Variants in ASIP observed in about 807,000 individuals in gnomAD.
ASIP encodes agouti-signaling protein.
In ASIP, 11 loss-of-function variants were observed where a neutral mutation model predicts 10.3. That is an observed-to-expected ratio of 1.07 (90% CI 0.68 to 1.78). The LOEUF is 1.78. Among genes scored for constraint, ASIP ranks in the 40% most tolerant of loss-of-function variants. ASIP has a pLI of 0.00. For missense variants in ASIP, 180 were observed against 169.2 expected, an observed-to-expected ratio of 1.06 and a Z score of -0.35; for synonymous variants, 70 against 70.8, an observed-to-expected ratio of 0.99 and a Z score of 0.06.
chr20:34,193,798 C>G (rs2034838339), upstream of ASIP, among the ~76,000 whole-genome samples: 1 of 152,146 alleles, frequency 6.6e-6, no homozygotes, highest in African/African-American at 2.4e-5. Context: ...CAACAAATAG[C>G]CAAATGTGCA....
In ASIP at chr20:34,269,152, C is replaced by G; in HGVS notation, c.384C>G (p.Leu128=). The stretch of plus-strand genomic sequence containing the variant: ...GCAGCGCCTGCTCCTGCCGCGTGCT[C>G]AGCCTCAACTGCTGAGCGCCCCCAC... The part of the protein sequence containing the change: ...FFRSACSCRV[L]SLNC Residue 128 remains leucine (L), a synonymous_variant, in exon 4 of 4, where the codon CTC becomes CTG. Coordinates refer to ENST00000374954, the MANE Select transcript of ASIP (RefSeq NM_001672.3). 1 of 1,543,682 alleles carries G rather than the reference C, an allele frequency of 6.5e-7. No individual in the cohort carries two copies. Among genetic ancestry groups the G allele is most frequent in the Non-Finnish European group, 8.7e-7 (1 of 1,143,924 alleles).
rs2035842567 is a variant in ASIP at position 34,269,093 on chromosome 20, G to A, written c.325G>A (p.Asp109Asn). 1 of 1,572,594 alleles carries A rather than the reference G, an allele frequency of 6.4e-7. No homozygotes were observed. The highest frequency in any genetic ancestry group is 8.6e-7 in the Non-Finnish European group (1 of 1,159,984). ...CAAGCCGCCGGCACCCGCCTGCTGC[G>A]ACCCGTGCGCCTCCTGCCAGTGCCG... Reference protein sequence around the residue: ...SCKPPAPACCDPCASCQCRFF... With the variant: ...SCKPPAPACCNPCASCQCRFF... The change falls in exon 4 of 4, where the codon GAC becomes AAC. Residue 109 changes from aspartate to asparagine, a missense_variant. Physicochemically the swap from Asp to Asn is conservative, Grantham distance 23. Coordinates refer to ENST00000374954, the MANE Select transcript of ASIP (RefSeq NM_001672.3).
chr20:34,250,468 G>A (rs760777062), intron 1 of ASIP, among the ~76,000 whole-genome samples: 1 of 152,182 alleles, frequency 6.6e-6, no homozygotes, highest in Non-Finnish European at 1.5e-5. Flanking sequence ...AGGAGTTTCA[G>A]GCCAGCCTGG....
rs2035055611 is a variant in ASIP, at chr20:34,222,625, ACTCCCTCTCCCTCTCCCTCTCCGT to A, written c.-11+27883_-11+27906del. ...CTAAGGTAATGGTAATGCAAAAGTT[ACTCCCTCTCCCTCTCCCTCTCCGT>A]CTCCCTCTCCCTCTCCCCACGGTCT... On this transcript the variant is annotated intron_variant, in intron 1 of 3. Transcript: ENST00000568305. 2.0e-5 allele frequency among the ~76,000 whole-genome samples: 3 copies of A among 151,476 alleles called. No homozygotes were observed. The South Asian group carries it at 6.3e-4, about 32-fold the overall frequency.
At chr20:34,224,215 T>TA (rs1399755548) in intron 1 of ASIP, among the ~76,000 whole-genome samples, 2 of 147,748 alleles carry the variant, frequency 1.4e-5, no homozygotes, top group Admixed American at 6.8e-5. Context: ...GAATTATCAA[T>TA]AAAAAAATAA....
chr20:34,203,987 G>A (rs533551282), intron 1 of ASIP, among the ~76,000 whole-genome samples: 1 of 152,256 alleles, frequency 6.6e-6, no homozygotes, highest in East Asian at 1.9e-4. Flanking sequence ...TGGCCTCAAA[G>A]TTCTGGGATT....
rs553698854 is a variant in ASIP at position 34,245,203 on chromosome 20, A to G, written c.-11+3714A>G. Among the ~76,000 whole-genome samples, 478 of 150,950 alleles carry G rather than the reference A, an allele frequency of 3.2e-3. 2 individuals carry two copies. The highest frequency in any genetic ancestry group is 5.0e-3 in the Admixed American group (76 of 15,148). On this transcript the variant is annotated intron_variant, in intron 1 of 3. Transcript: ENST00000374954. ...ACAAAAATTAGCTGGGCGTGGTGGC[A>G]GGCGCCTGTAATCCCAGCTACTCAG...
chr20:34,192,972 T>C (rs1160099304), upstream of ASIP, among the ~76,000 whole-genome samples: 3 of 152,374 alleles, frequency 2.0e-5, no homozygotes, highest in East Asian at 5.8e-4. Flanking sequence ...ACTCTACGCT[T>C]TTATTTTGAA....
intron 1 of ASIP, among the ~76,000 whole-genome samples, chr20:34,231,579 G>C (rs1008524113): frequency 2.6e-5 from 4 of 152,144 alleles, no homozygotes; most frequent in Non-Finnish European, 4.4e-5. Context: ...TAAGAACAAT[G>C]AAAATTCAAT....
chr20:34,238,150 A>G (rs1386352281), upstream of ASIP, among the ~76,000 whole-genome samples: 1 of 151,952 alleles, frequency 6.6e-6, no homozygotes, highest in Non-Finnish European at 1.5e-5. Context: ...TCTTACTTGG[A>G]GTTCATTGAG....
chr20:34,200,280 T>C (rs1351028816), intron 1 of ASIP, among the ~76,000 whole-genome samples: 1 of 152,214 alleles, frequency 6.6e-6, no homozygotes, highest in Non-Finnish European at 1.5e-5. Flanking sequence ...GTCCTCAGGC[T>C]GTAAAGAGGT....
intron 1 of ASIP, among the ~76,000 whole-genome samples, chr20:34,247,997 AG>A (rs1197519533): frequency 2.0e-5 from 3 of 152,210 alleles, no homozygotes; most frequent in African/African-American, 7.2e-5. Flanking sequence ...CCTGAGATCA[AG>A]AGTTCGAGAC....
At chr20:34,217,593 G>A (rs8183502) in intron 1 of ASIP, among the ~76,000 whole-genome samples, 41,802 of 151,614 alleles carry the variant, frequency 0.28, 6,257 homozygotes, top group Admixed American at 0.36. Context: ...ACGGAGTCTC[G>A]CTTTGTTGCC....
chr20:34,258,439 T>C (rs2035611831), intron 1 of ASIP, among the ~76,000 whole-genome samples: 2 of 149,530 alleles, frequency 1.3e-5, no homozygotes, highest in South Asian at 4.2e-4. Context: ...GAAGGGCAAA[T>C]AAGTACTGTA....
intron 1 of ASIP, among the ~76,000 whole-genome samples, chr20:34,249,020 T>G (rs2035428332): frequency 6.7e-6 from 1 of 149,860 alleles, no homozygotes; most frequent in South Asian, 2.1e-4. Context: ...TCCCAGCTAC[T>G]AGGGAGGCTG....
intron 1 of ASIP, among the ~76,000 whole-genome samples, chr20:34,250,502 A>C (rs915252982): frequency 6.6e-6 from 1 of 152,152 alleles, no homozygotes; most frequent in Non-Finnish European, 1.5e-5. Context: ...ATCACATCTC[A>C]AAAAAATTAA....
At position 34,233,143 on chromosome 20, in the gene ASIP, C is replaced by CTTTTT. The variant is rs755217642; in HGVS notation, c.-10-27204_-10-27200dup. Among the ~76,000 whole-genome samples the CTTTTT allele has an allele frequency of 2.0e-4, 20 of 100,304 alleles. 1 individual carries two copies. Among genetic ancestry groups the CTTTTT allele is most frequent in the East Asian group, 6.1e-4 (2 of 3,304 alleles). 65.8% of individuals were successfully genotyped at this position (100,304 alleles called of 152,430 possible). A position where few individuals can be genotyped will look rare whatever the true frequency, so the allele number is the denominator to read the frequency against. ...GAGTCAACTGTGAATGGGACAAGAG[C>CTTTTT]TTTTTTTTTTTTTTTTTTTTTTGAT... On this transcript the variant is annotated intron_variant, in intron 1 of 3. Transcript: ENST00000568305.
upstream of ASIP, chr20:34,194,527 A>G (rs1369134619): frequency 6.8e-6 from 1 of 147,782 alleles, no homozygotes; most frequent in African/African-American, 2.5e-5. Flanking sequence ...TTTCAAAGGA[A>G]AAAAAAAAAA....
chr20:34,222,445 C>T (rs924739780), intron 1 of ASIP, among the ~76,000 whole-genome samples: 4 of 151,984 alleles, frequency 2.6e-5, no homozygotes, highest in Admixed American at 2.0e-4. Context: ...CTTCGAGGGC[C>T]GTATTGAGCA....
Sources: allele counts gnomAD v4.1 joint callset (sites outside exome capture counted in the v4.1 genomes callset), GRCh38; gene constraint gnomAD v4.1.1; transcripts MANE v1.5; gene names NCBI Gene and HGNC (gene_info 2026-07-23, HGNC 2026-07-21).